Variants in AGAP5 observed in about 807,000 individuals in gnomAD.
The protein encoded by AGAP5 is ArfGAP with GTPase domain, ankyrin repeat and PH domain 5, also known as arf-GAP with GTPase, ANK repeat and PH domain-containing protein 5.
Under a neutral mutation model 27.7 loss-of-function variants are expected in AGAP5, and 8 were observed. That is an observed-to-expected ratio of 0.29 (90% CI 0.17 to 0.52). The LOEUF (loss-of-function observed/expected upper bound fraction) is 0.52. Ranked by LOEUF, AGAP5 falls within the 20% of genes least tolerant of loss-of-function variation. The pLI is 0.97. For missense variants in AGAP5, 285 were observed against 880.8 expected, an observed-to-expected ratio of 0.32 and a Z score of 8.56; for synonymous variants, 111 against 338.0, an observed-to-expected ratio of 0.33 and a Z score of 7.37.
At chr10:73,693,480 T>C (rs1303072121) in intron 3 of AGAP5, among the ~76,000 whole-genome samples, 3 of 148,606 alleles carry the variant, frequency 2.0e-5, no homozygotes, top group African/African-American at 5.0e-5. Context: ...GGTAGATCAC[T>C]TGAGGTCAGG....
rs571520619 is a variant in AGAP5 at position 73,689,943 on chromosome 10, G to A, written c.396+2100C>T. Among the ~76,000 whole-genome samples, 618 of 151,838 alleles carry A rather than the reference G, an allele frequency of 4.1e-3. 12 individuals are homozygous for A. In the East Asian group the frequency reaches 0.047, roughly 11 times the overall value. On this transcript the variant is annotated intron_variant, in intron 4 of 7. Transcript: ENST00000374094. ...CCGGCCGCCCCTACTGGGAAGTGAG[G>A]AGCCCCTCTGCCCGGCCAGCCGCCC... is the stretch of plus-strand genomic sequence containing the variant.
At chr10:73,691,014 G>A (rs2082114082) in intron 4 of AGAP5, among the ~76,000 whole-genome samples, 1 of 152,168 alleles carries the variant, frequency 6.6e-6, no homozygotes, top group Non-Finnish European at 1.5e-5. Flanking sequence ...TACAATACTT[G>A]GGGGAAAAAC....
At chr10:73,693,643 G>A (rs1320089338) in intron 3 of AGAP5, among the ~76,000 whole-genome samples, 2 of 150,798 alleles carry the variant, frequency 1.3e-5, no homozygotes, top group East Asian at 3.9e-4. Flanking sequence ...AGGTTGTAGT[G>A]AGCCAAGATC....
intron 4 of AGAP5, among the ~76,000 whole-genome samples, chr10:73,685,444 A>AT (rs1224338112): frequency 2.7e-5 from 4 of 150,508 alleles, no homozygotes; most frequent in Non-Finnish European, 4.4e-5. Context: ...TGATCATGTG[A>AT]TTTTTTGTTT....
At chr10:73,686,771 T>C (rs529119139) in intron 4 of AGAP5, among the ~76,000 whole-genome samples, 1 of 152,250 alleles carries the variant, frequency 6.6e-6, no homozygotes, top group African/African-American at 2.4e-5. Flanking sequence ...TACATACATA[T>C]ATATATATGA....
chr10:73,693,741 T>A (rs920524677), intron 3 of AGAP5, among the ~76,000 whole-genome samples: 5 of 148,504 alleles, frequency 3.4e-5, no homozygotes, highest in African/African-American at 9.9e-5. Context: ...CCCCTTCCCC[T>A]CTCTCCTCCC....
chr10:73,676,975 T>C (rs1347927397), intron 6 of AGAP5, among the ~76,000 whole-genome samples: 2 of 152,260 alleles, frequency 1.3e-5, no homozygotes, highest in South Asian at 4.2e-4. Context: ...AAGCCTTTTA[T>C]ATGATAACCA....
Position 73,690,430 on chromosome 10 carries a change from C to T in AGAP5, c.396+1613G>A, listed in dbSNP as rs1242655669. Among the ~76,000 whole-genome samples the T allele has an allele frequency of 2.6e-5, 4 of 152,018 alleles. No individual in the cohort carries two copies. In the East Asian group the frequency reaches 7.7e-4, roughly 29 times the overall value. On this transcript the variant is annotated intron_variant, in intron 4 of 7. Coordinates refer to ENST00000374094, the MANE Select transcript of AGAP5 (RefSeq NM_001144000.4). ...AGGCAGCATGCTCCTTAAGAGTCAT[C>T]ACCACTCCCTAATCTGAAGTACCCA...
At chr10:73,696,927 G>T (rs1214344669) in intron 2 of AGAP5, among the ~76,000 whole-genome samples, 168 bp downstream of exon 2, 1 of 152,060 alleles carries the variant, frequency 6.6e-6, no homozygotes, top group Non-Finnish European at 1.5e-5. Context: ...GCACTTACCT[G>T]GTTCCTTCAC....
chr10:73,695,947 C>T (rs1233631502), intron 2 of AGAP5, among the ~76,000 whole-genome samples: 1 of 152,152 alleles, frequency 6.6e-6, no homozygotes, highest in Non-Finnish European at 1.5e-5. Context: ...ATTGTTTTCT[C>T]TTTTCTACCA....
chr10:73,695,242 TCATATCTGTCACTTC>T (rs2082151516), intron 2 of AGAP5, among the ~76,000 whole-genome samples: 1 of 152,154 alleles, frequency 6.6e-6, no homozygotes, highest in African/African-American at 2.4e-5. Context: ...AGTAAATTCA[TCATATCTGTCACTTC>T]CATTTCATTC....
intron 2 of AGAP5, 124 bp downstream of exon 2, chr10:73,696,968 AAAT>A (rs1295877697): frequency 7.0e-7 from 1 of 1,428,316 alleles, no homozygotes; most frequent in African/African-American, 1.4e-5. Flanking sequence ...TACAAAGAAA[AAAT>A]AAGATGGGTA....
chr10:73,697,845 C>T lies in AGAP5; in HGVS notation c.-90G>A. 8.9e-6 allele frequency: 14 copies of T among 1,570,286 alleles called. No homozygotes were observed. Among genetic ancestry groups the T allele is most frequent in the Non-Finnish European group, 1.2e-5 (14 of 1,164,518 alleles). Reference sequence around the variant, plus strand: ...TGTCCTAGGCCGAGGCTATGCTGCACTTGCAGAGATGGTCTTCCCGCTCCT... The same window carrying T: ...TGTCCTAGGCCGAGGCTATGCTGCATTTGCAGAGATGGTCTTCCCGCTCCT... On this transcript the variant is annotated 5_prime_UTR_variant, in exon 1 of 8. It adds an upstream start codon to the 5' untranslated region. Transcript: ENST00000374094.
At chr10:73,688,931 G>GCCTCTGCCT (rs940332362) in intron 4 of AGAP5, among the ~76,000 whole-genome samples, 12 of 152,164 alleles carry the variant, frequency 7.9e-5, no homozygotes, top group East Asian at 7.7e-4. Flanking sequence ...AACTGCCTCT[G>GCCTCTGCCT]CCTCTGCCTC....
intron 3 of AGAP5, among the ~76,000 whole-genome samples, chr10:73,693,466 A>G (rs2082135538): frequency 6.6e-6 from 1 of 152,002 alleles, no homozygotes; most frequent in Admixed American, 6.6e-5. Context: ...GGGAGGCTGA[A>G]GCGGGTAGAT....
intron 4 of AGAP5, among the ~76,000 whole-genome samples, chr10:73,690,584 G>A (rs1286302375): frequency 3.2e-5 from 4 of 125,362 alleles, no homozygotes; most frequent in African/African-American, 1.2e-4. Flanking sequence ...CCCTCTGCGA[G>A]AAACACCCAA....
chr10:73,689,143 C>T lies in AGAP5; in HGVS notation c.396+2900G>A, dbSNP rs540183552. Among the ~76,000 whole-genome samples the T allele has an allele frequency of 3.9e-3, 598 of 152,372 alleles. 2 individuals carry two copies. Among genetic ancestry groups the T allele is most frequent in the Admixed American group, 6.5e-3 (99 of 15,310 alleles). On this transcript the variant is annotated intron_variant, in intron 4 of 7. Coordinates refer to ENST00000374094, the MANE Select transcript of AGAP5 (RefSeq NM_001144000.4). ...CTGCGATTGCAGGCGCGCGCCGCCACGCCTGACTGGTGTTCGTATTTTTTT... is the reference window on the plus strand; with the variant it reads ...CTGCGATTGCAGGCGCGCGCCGCCATGCCTGACTGGTGTTCGTATTTTTTT...
intron 6 of AGAP5, among the ~76,000 whole-genome samples, chr10:73,677,926 C>T (rs1265281517): frequency 2.0e-4 from 30 of 152,192 alleles, no homozygotes; most frequent in African/African-American, 4.1e-4. Flanking sequence ...TTCTTAAGAA[C>T]GTCTTTGATG....
intron 6 of AGAP5, among the ~76,000 whole-genome samples, chr10:73,678,042 A>G (rs1385251378): frequency 1.3e-5 from 2 of 152,086 alleles, no homozygotes; most frequent in Non-Finnish European, 2.9e-5. Flanking sequence ...AGAATCCGTG[A>G]TTTAACTGTG....
Sources: allele counts gnomAD v4.1 joint callset (sites outside exome capture counted in the v4.1 genomes callset), GRCh38; gene constraint gnomAD v4.1.1; transcripts MANE v1.5; gene names NCBI Gene and HGNC (gene_info 2026-07-23, HGNC 2026-07-21).